LARS2: variants seen among roughly 807,000 people sequenced by gnomAD.
LARS2 encodes the protein leucine--tRNA ligase, mitochondrial.
Under a neutral mutation model 116.6 loss-of-function variants are expected in LARS2, and 81 were observed. The observed-to-expected ratio is 0.69, with a 90% CI of 0.58 to 0.84. The LOEUF (loss-of-function observed/expected upper bound fraction) is 0.84. LARS2 is among the 40% of genes least tolerant of loss of function. The probability of loss-of-function intolerance (pLI) is 0.00; values close to 1 mark genes in which losing one functional copy is unlikely to be tolerated. For missense variants in LARS2, 968 were observed against 1,114.5 expected (o/e 0.87, Z 1.87); for synonymous variants, 396 against 407.2 (o/e 0.97, Z 0.33).
Position 45,537,249 on chromosome 3 carries a change from A to C in LARS2, c.2405-4580A>C, listed in dbSNP as rs575337822. ...CCATCAGCACCTTAATTTTGAGAGC[A>C]CAGTGAGAGAGCCTTTACGTCCCTT... On this transcript the variant is annotated intron_variant, in intron 20 of 21. Coordinates refer to ENST00000645846, the MANE Select transcript of LARS2 (RefSeq NM_015340.4). 7.9e-5 allele frequency among the ~76,000 whole-genome samples: 12 copies of C among 152,340 alleles called. No homozygotes were observed. The East Asian group carries it at 2.1e-3, about 27-fold the overall frequency.
intron 12 of LARS2, 33 bp downstream of exon 12, chr3:45,488,845 C>T (rs753241724): frequency 1.1e-5 from 14 of 1,278,184 alleles, no homozygotes; most frequent in Non-Finnish European, 9.2e-6. Context: ...CCAGAATGAT[C>T]ACCTTGATAC....
chr3:45,427,564 A>C (rs993688244), intron 6 of LARS2, among the ~76,000 whole-genome samples: 10 of 152,256 alleles, frequency 6.6e-5, no homozygotes, highest in Non-Finnish European at 1.2e-4. Flanking sequence ...AATGTTTTGC[A>C]AATACAAGAC....
intron 15 of LARS2, among the ~76,000 whole-genome samples, chr3:45,503,538 A>T (rs1700152320): frequency 6.6e-6 from 1 of 152,032 alleles, no homozygotes; most frequent in Non-Finnish European, 1.5e-5. Context: ...TGTTTTCCTA[A>T]GTTGGGTTTG....
At chr3:45,450,097 TTTG>T (rs1390968855) in intron 7 of LARS2, among the ~76,000 whole-genome samples, 1 of 152,208 alleles carries the variant, frequency 6.6e-6, no homozygotes, top group East Asian at 1.9e-4. Flanking sequence ...TTTAGAGGGT[TTTG>T]TTGTTGTGGG....
At chr3:45,440,289 A>G (rs1234207912) in intron 6 of LARS2, among the ~76,000 whole-genome samples, 1 of 152,220 alleles carries the variant, frequency 6.6e-6, no homozygotes, top group Admixed American at 6.5e-5. Context: ...CCACTTTAGA[A>G]TTAAAGTACC....
chr3:45,429,698 C>CTTTT lies in LARS2; in HGVS notation c.516+9987_516+9990dup, dbSNP rs35874596. On this transcript the variant is annotated intron_variant, in intron 6 of 21. Coordinates refer to ENST00000645846, the MANE Select transcript of LARS2 (RefSeq NM_015340.4). ...TAATTCAGCCTACCACATCCTTCTGCTTTTTTTTTTTTTTTTTTTTTGAGA... is the reference window on the plus strand; with the variant it reads ...TAATTCAGCCTACCACATCCTTCTGCTTTTTTTTTTTTTTTTTTTTTTTTTGAGA... Among the ~76,000 whole-genome samples the CTTTT allele has an allele frequency of 2.4e-3, 263 of 108,050 alleles. 7 individuals carry two copies. Among genetic ancestry groups the CTTTT allele is most frequent in the Non-Finnish European group, 3.2e-3 (184 of 56,744 alleles). The allele number at this position is 108,050 out of a possible 152,430, so 70.9% of individuals were successfully genotyped here.
At chr3:45,484,630 A>AAATATATATATATATATATATATAT (rs1553634443) in intron 10 of LARS2, among the ~76,000 whole-genome samples, 3 of 9,744 alleles carry the variant, frequency 3.1e-4, no homozygotes, top group African/African-American at 5.3e-4. Flanking sequence ...AAAAAAAAAA[A>AAATATATATATATATATATATATAT]ATATATATAT....
chr3:45,437,602 A>G (rs1047715934), intron 6 of LARS2, among the ~76,000 whole-genome samples: 7 of 152,224 alleles, frequency 4.6e-5, no homozygotes, highest in African/African-American at 1.7e-4. Context: ...AGACGTGGCT[A>G]TGTGGTCTAG....
intron 8 of LARS2, among the ~76,000 whole-genome samples, chr3:45,460,672 A>G (rs940187896): frequency 2.0e-5 from 3 of 152,178 alleles, no homozygotes; most frequent in African/African-American, 7.2e-5. Context: ...GTAAGACTCC[A>G]TGAAGCCTAA....
rs1370389789 is a variant in LARS2 at position 45,446,943 on chromosome 3, T to C, written c.569T>C (p.Ile190Thr). 2 of 1,610,908 alleles carry C rather than the reference T, an allele frequency of 1.2e-6. No homozygotes were observed. The highest frequency in any genetic ancestry group is 2.2e-5 in the East Asian group (1 of 44,832). ...TACAAGTGGACTCAGTATCTCTTTATTAAACTGTATGAGGCTGGGCTGGCC... is the reference window on the plus strand; with the variant it reads ...TACAAGTGGACTCAGTATCTCTTTACTAAACTGTATGAGGCTGGGCTGGCC... The part of the protein sequence containing the change: ...DYYKWTQYLF[I>T]KLYEAGLAYQ... The change falls in exon 7 of 22, where the codon ATT becomes ACT. Residue 190 changes from isoleucine (I) to threonine (T), a missense_variant. Coordinates refer to ENST00000645846, the MANE Select transcript of LARS2 (RefSeq NM_015340.4).
At chr3:45,520,077 G>C (rs1295095906) in intron 18 of LARS2, 142 bp from the exon 19 acceptor site, 2 of 630,212 alleles carry the variant, frequency 3.2e-6, no homozygotes, top group Non-Finnish European at 2.8e-6. Context: ...GAAACATAGC[G>C]ATTATTTGAG....
chr3:45,462,221 C>A (rs773306191), intron 8 of LARS2, among the ~76,000 whole-genome samples: 5 of 152,080 alleles, frequency 3.3e-5, no homozygotes, highest in African/African-American at 7.2e-5. Flanking sequence ...GTTCTCTTGG[C>A]CCTTTCTTCC....
chr3:45,540,011 C>G (rs1700766795), intron 20 of LARS2, among the ~76,000 whole-genome samples: 1 of 152,028 alleles, frequency 6.6e-6, no homozygotes, highest in Admixed American at 6.5e-5. Context: ...TGGCTCACGC[C>G]TGTAATCCCA....
At chr3:45,504,400 C>T (rs919373456) in intron 15 of LARS2, among the ~76,000 whole-genome samples, 1 of 151,910 alleles carries the variant, frequency 6.6e-6, no homozygotes, top group African/African-American at 2.4e-5. Context: ...ACCAGATGGC[C>T]GACTCTGCAC....
At chr3:45,458,422 G>A (rs1444383976) in intron 7 of LARS2, among the ~76,000 whole-genome samples, 1 of 152,200 alleles carries the variant, frequency 6.6e-6, no homozygotes, top group Non-Finnish European at 1.5e-5. Context: ...GTCAGGCACA[G>A]TGGCTCACGC....
At chr3:45,409,205 TA>T (rs1179962678) in intron 4 of LARS2, among the ~76,000 whole-genome samples, 4 of 93,768 alleles carry the variant, frequency 4.3e-5, no homozygotes, top group African/African-American at 8.6e-5. Flanking sequence ...TTTTTATTTT[TA>T]TTTTTTTTTA....
chr3:45,408,245 G>A (rs767060119), intron 4 of LARS2, among the ~76,000 whole-genome samples: 1 of 152,248 alleles, frequency 6.6e-6, no homozygotes, highest in East Asian at 1.9e-4. Context: ...TCACCCTGGA[G>A]CAGGGCAGGG....
chr3:45,465,618 C>T (rs1699409948), intron 8 of LARS2, among the ~76,000 whole-genome samples: 1 of 152,204 alleles, frequency 6.6e-6, no homozygotes, highest in Non-Finnish European at 1.5e-5. Flanking sequence ...ACCTGGCTGG[C>T]TCTCAGCAGG....
intron 20 of LARS2, 83 bp downstream of exon 20, chr3:45,524,191 G>C: frequency 1.2e-6 from 1 of 864,654 alleles, no homozygotes; most frequent in Non-Finnish European, 1.9e-6. Flanking sequence ...TCGGGACTCA[G>C]ATGTCCTCAG....
Sources: allele counts gnomAD v4.1 joint callset (sites outside exome capture counted in the v4.1 genomes callset), GRCh38; gene constraint gnomAD v4.1.1; transcripts MANE v1.5; gene names NCBI Gene and HGNC (gene_info 2026-07-23, HGNC 2026-07-21).